Variants in VGLL3 observed in about 807,000 individuals in gnomAD.
VGLL3 encodes the protein vestigial like family member 3, also known as transcription cofactor vestigial-like protein 3.
A neutral mutation model predicts 29.2 loss-of-function variants in VGLL3; 18 were observed. The observed-to-expected ratio is 0.62, with a 90% confidence interval of 0.43 to 0.91. The LOEUF (loss-of-function observed/expected upper bound fraction) is 0.91. Ranked by LOEUF, VGLL3 falls within the 40% of genes least tolerant of loss-of-function variation. The pLI is 0.00. For synonymous variants in VGLL3, 180 were observed against 151.8 expected (o/e 1.19, Z -1.36); for missense variants, 440 against 413.2 (o/e 1.06, Z -0.56).
At chr3:86,967,564 G>T (rs1301717738) in intron 3 of VGLL3, among the ~76,000 whole-genome samples, 1 of 152,162 alleles carries the variant, frequency 6.6e-6, no homozygotes, top group Non-Finnish European at 1.5e-5. Flanking sequence ...TGACTCTGGG[G>T]AATTATTTGT....
intron 3 of VGLL3, among the ~76,000 whole-genome samples, chr3:86,959,259 A>C (rs1490318788): frequency 2.6e-5 from 4 of 152,204 alleles, no homozygotes; most frequent in Admixed American, 2.6e-4. Context: ...TACTGAGATC[A>C]AATGATTATA....
At chr3:86,962,082 C>T in intron 3 of VGLL3, 3 of 985,094 alleles carry the variant, frequency 3.0e-6, no homozygotes, top group Non-Finnish European at 3.6e-6. Flanking sequence ...CTATGGAACC[C>T]ATGAAACTCA....
chr3:86,969,531 T>C (rs1003687487), intron 2 of VGLL3, among the ~76,000 whole-genome samples: 3 of 152,192 alleles, frequency 2.0e-5, no homozygotes, highest in Non-Finnish European at 2.9e-5. Flanking sequence ...TTGGACATGA[T>C]CATTTTTACC....
In VGLL3 at chr3:86,990,812, C is replaced by CGCA; in HGVS notation, c.-70_-69insTGC. The CGCA allele has an allele frequency of 8.3e-7, 1 of 1,200,512 alleles. No individual in the cohort carries two copies. The highest frequency in any genetic ancestry group is 1.0e-6 in the Non-Finnish European group (1 of 960,982). The allele number at this position is 1,200,512 out of a possible 1,614,324, so 74.4% of individuals were successfully genotyped here. A position where few individuals can be genotyped will look rare whatever the true frequency, so the allele number is the denominator to read the frequency against. On this transcript the variant is annotated 5_prime_UTR_variant, in exon 1 of 4. Transcript: ENST00000398399. ...TACGCGCTGGCGCGAGGGGCGCGGG[C>CGCA]GCCGCCGCCGCCGCAGCTGCCGCCT...
intron 3 of VGLL3, among the ~76,000 whole-genome samples, chr3:86,955,485 G>T (rs1345921007): frequency 6.6e-6 from 1 of 151,554 alleles, no homozygotes; most frequent in Non-Finnish European, 1.5e-5. Context: ...TGCCTCCTGG[G>T]TTCAAGCGAT....
At chr3:86,953,813 T>C (rs1436302626) in intron 3 of VGLL3, among the ~76,000 whole-genome samples, 1 of 152,190 alleles carries the variant, frequency 6.6e-6, no homozygotes, top group Non-Finnish European at 1.5e-5. Flanking sequence ...TTAGGTATAC[T>C]AGCATTTCTT....
At position 86,938,872 on chromosome 3, in the gene VGLL3, T is replaced by A. The variant is rs927288481; in HGVS notation, c.*8152A>T. On this transcript the variant is annotated 3_prime_UTR_variant, in exon 4 of 4. Transcript: ENST00000398399. Reference sequence around the variant, plus strand: ...GTATAAGCAGGTCAAATAAGATGCTTGGAGACTTAGGACATCGCAAGATGG... The same window carrying A: ...GTATAAGCAGGTCAAATAAGATGCTAGGAGACTTAGGACATCGCAAGATGG... 1 of 152,200 alleles carries A rather than the reference T, an allele frequency of 6.6e-6. No individual in the cohort carries two copies. Among genetic ancestry groups the A allele is most frequent in the African/African-American group, 2.4e-5 (1 of 41,456 alleles). The allele number at this position is 152,200 out of a possible 1,614,324, so 9.4% of individuals were successfully genotyped here. A position where few individuals can be genotyped will look rare whatever the true frequency, so the allele number is the denominator to read the frequency against.
chr3:86,970,018 A>C lies in VGLL3; in HGVS notation c.404-895T>G, dbSNP rs116199772. On this transcript the variant is annotated intron_variant, in intron 2 of 3. Coordinates refer to ENST00000398399, the MANE Select transcript of VGLL3 (RefSeq NM_016206.4). The stretch of plus-strand genomic sequence containing the variant: ...CAAGAGGGCGCAATTGTAACTGTGA[A>C]CCTCAACATCTCGAATTTGGTGAAG... Among the ~76,000 whole-genome samples the C allele has an allele frequency of 2.6e-5, 4 of 152,150 alleles. No individual in the cohort carries two copies. In the East Asian group the frequency reaches 5.8e-4, roughly 22 times the overall value.
chr3:86,968,963 C>A lies in VGLL3; in HGVS notation c.564G>T (p.Pro188=). 3.1e-6 allele frequency: 5 copies of A among 1,614,010 alleles called. No homozygotes were observed. In the South Asian group the frequency reaches 3.3e-5, roughly 11 times the overall value. The part of the protein sequence containing the change: ...TFSAADPSPW[P]GHNLHQTGPA... Reference sequence around the variant, plus strand: ...GGCCAGTCTGATGCAGGTTGTGTCCCGGCCAAGGACTGGGATCAGCTGCAG... The same window carrying A: ...GGCCAGTCTGATGCAGGTTGTGTCCAGGCCAAGGACTGGGATCAGCTGCAG... Residue 188 remains proline (P), a synonymous_variant, in exon 3 of 4, where the codon CCG becomes CCT. Coordinates refer to ENST00000398399, the MANE Select transcript of VGLL3 (RefSeq NM_016206.4).
chr3:86,988,019 T>G (rs1243665784), intron 1 of VGLL3, among the ~76,000 whole-genome samples: 1 of 152,136 alleles, frequency 6.6e-6, no homozygotes, highest in Non-Finnish European at 1.5e-5. Context: ...AGAGGAAAAA[T>G]ATACCTGTGT....
intron 3 of VGLL3, among the ~76,000 whole-genome samples, chr3:86,949,754 G>C (rs1406054861): frequency 6.7e-6 from 1 of 150,104 alleles, no homozygotes; most frequent in Non-Finnish European, 1.5e-5. Flanking sequence ...GTGAACCCGG[G>C]AGGCAGAGCT....
chr3:86,946,496 A>G lies in VGLL3; in HGVS notation c.*528T>C, dbSNP rs570020289. 3.3e-5 allele frequency: 5 copies of G among 152,414 alleles called. No homozygotes were observed. Among genetic ancestry groups the G allele is most frequent in the African/African-American group, 1.2e-4 (5 of 41,584 alleles). 9.4% of individuals were successfully genotyped at this position (152,414 alleles called of 1,614,324 possible). On this transcript the variant is annotated 3_prime_UTR_variant, in exon 4 of 4. Coordinates refer to ENST00000398399, the MANE Select transcript of VGLL3 (RefSeq NM_016206.4). Reference sequence around the variant, plus strand: ...GACATCTTAGAGATAAGCATTTTAAACATTTTTGCCAGTGCTTCTCTGAGA... The same window carrying G: ...GACATCTTAGAGATAAGCATTTTAAGCATTTTTGCCAGTGCTTCTCTGAGA...
At chr3:86,988,225 C>T (rs1297841589) in intron 1 of VGLL3, among the ~76,000 whole-genome samples, 2 of 152,020 alleles carry the variant, frequency 1.3e-5, no homozygotes, top group Non-Finnish European at 2.9e-5. Flanking sequence ...CTTTTCTTCG[C>T]TCCTTTTCCA....
In VGLL3 at chr3:86,980,740, C is replaced by T. The variant is rs541290465; in HGVS notation, c.127-1938G>A. Among the ~76,000 whole-genome samples, 10 of 151,990 alleles carry T rather than the reference C, an allele frequency of 6.6e-5. No homozygotes were observed. In the South Asian group the frequency reaches 2.1e-3, roughly 32 times the overall value. ...TATTAGTCAAATCACAGTGCTGCTTCTTCGGGTGCATGTGTATTTACCTAA... is the reference window on the plus strand; with the variant it reads ...TATTAGTCAAATCACAGTGCTGCTTTTTCGGGTGCATGTGTATTTACCTAA... On this transcript the variant is annotated intron_variant, in intron 1 of 3. Coordinates refer to ENST00000398399, the MANE Select transcript of VGLL3 (RefSeq NM_016206.4).
intron 2 of VGLL3, among the ~76,000 whole-genome samples, chr3:86,973,659 A>C (rs1213729254): frequency 6.6e-6 from 1 of 152,124 alleles, no homozygotes; most frequent in East Asian, 1.9e-4. Flanking sequence ...TTTTTTCCCC[A>C]TGTCTTGGTC....
intron 3 of VGLL3, among the ~76,000 whole-genome samples, chr3:86,951,567 A>T (rs1012436600): frequency 2.6e-5 from 4 of 152,216 alleles, no homozygotes; most frequent in Non-Finnish European, 4.4e-5. Flanking sequence ...AGAAGGCATT[A>T]TGACTCATTT....
intron 1 of VGLL3, among the ~76,000 whole-genome samples, chr3:86,979,906 G>A (rs944917462): frequency 2.0e-5 from 3 of 150,710 alleles, no homozygotes; most frequent in Admixed American, 6.6e-5. Context: ...ATTTTGTATT[G>A]TTTTTCTGTG....
At chr3:86,955,725 G>T (rs1379067789) in intron 3 of VGLL3, among the ~76,000 whole-genome samples, 1 of 151,998 alleles carries the variant, frequency 6.6e-6, no homozygotes, top group East Asian at 1.9e-4. Context: ...ACAGAAGCTC[G>T]CTCTCTGACA....
chr3:86,962,227 A>G (rs1422082950), intron 3 of VGLL3: 37 of 985,312 alleles, frequency 3.8e-5, no homozygotes, highest in Non-Finnish European at 4.5e-5. Context: ...GATCATTTCA[A>G]GGTACCTGTA....
Sources: gnomAD v4.1 joint callset for allele counts (sites outside exome capture counted in the v4.1 genomes callset) on GRCh38, gnomAD v4.1.1 for gene constraint, MANE v1.5 for transcripts, NCBI Gene and HGNC (gene_info 2026-07-23, HGNC 2026-07-21) for gene names.